Variants in LUZP1 observed in about 807,000 individuals in gnomAD.
LUZP1 encodes the protein leucine zipper protein 1.
A neutral mutation model predicts 71.3 loss-of-function variants in LUZP1; 25 were observed. The observed-to-expected ratio is 0.35, with a 90% CI of 0.26 to 0.49. LUZP1 has a LOEUF of 0.49. Among genes scored for constraint, LUZP1 ranks in the 20% least tolerant of loss-of-function variants. The pLI, the probability that LUZP1 is intolerant of heterozygous loss-of-function variation, is 0.99. For synonymous variants in LUZP1, 481 were observed against 506.4 expected (o/e 0.95, Z 0.67); for missense variants, 1,142 against 1,300.8 (o/e 0.88, Z 1.88).
intron 2 of LUZP1, among the ~76,000 whole-genome samples, chr1:23,110,444 C>T (rs570274480): frequency 1.8e-4 from 28 of 152,258 alleles, no homozygotes; most frequent in Non-Finnish European, 3.5e-4. Flanking sequence ...AAACCTAAAG[C>T]TTTTGTACAT....
chr1:23,150,619 G>A (rs1226530923), intron 2 of LUZP1, among the ~76,000 whole-genome samples: 1 of 152,100 alleles, frequency 6.6e-6, no homozygotes, highest in Non-Finnish European at 1.5e-5. Flanking sequence ...AAATACTGAG[G>A]CAATAAGGCA....
chr1:23,155,300 T>A (rs1644413063), intron 2 of LUZP1, among the ~76,000 whole-genome samples: 1 of 152,204 alleles, frequency 6.6e-6, no homozygotes, highest in African/African-American at 2.4e-5. Context: ...TGGCTTTCTT[T>A]CAATCCTAGG....
At chr1:23,173,627 G>C (rs1644566158) in intron 1 of LUZP1, among the ~76,000 whole-genome samples, 2 of 152,068 alleles carry the variant, frequency 1.3e-5, no homozygotes, top group South Asian at 4.1e-4. Flanking sequence ...AAAGTGCTGG[G>C]ATTACAGGTG....
intron 2 of LUZP1, among the ~76,000 whole-genome samples, chr1:23,121,069 A>T (rs1316604084): frequency 1.3e-5 from 2 of 152,230 alleles, no homozygotes; most frequent in Admixed American, 6.5e-5. Flanking sequence ...AAAAATCCCC[A>T]AGATTACAAA....
chr1:23,117,529 G>GGGCGGGGGA (rs371517574), intron 2 of LUZP1, among the ~76,000 whole-genome samples: 1 of 85,588 alleles, frequency 1.2e-5, no homozygotes. Context: ...CGGGGGGGGG[G>GGGCGGGGGA]AACACCTTGA....
At chr1:23,149,697 G>A (rs1391457058) in intron 2 of LUZP1, among the ~76,000 whole-genome samples, 4 of 152,050 alleles carry the variant, frequency 2.6e-5, no homozygotes, top group East Asian at 3.9e-4. Flanking sequence ...TAAAAGGGCC[G>A]GGCGTGGTGG....
At chr1:23,158,508 A>G (rs1569694153) in intron 2 of LUZP1, among the ~76,000 whole-genome samples, 1 of 152,100 alleles carries the variant, frequency 6.6e-6, no homozygotes, top group African/African-American at 2.4e-5. Context: ...TTAGCCAGGC[A>G]TGGTGGCAGG....
intron 4 of LUZP1, chr1:23,090,602 A>G (rs1397612040): frequency 1.1e-5 from 6 of 530,096 alleles, no homozygotes; most frequent in African/African-American, 9.5e-5. Context: ...CAGACTGATA[A>G]TATGAGACAG....
chr1:23,147,417 G>A (rs1644352241), intron 2 of LUZP1, among the ~76,000 whole-genome samples: 1 of 150,274 alleles, frequency 6.7e-6, no homozygotes. Context: ...CTTCAGCCTG[G>A]GGTGACAGAG....
intron 3 of LUZP1, among the ~76,000 whole-genome samples, chr1:23,104,229 G>T (rs1026569207): frequency 6.6e-6 from 1 of 151,330 alleles, no homozygotes; most frequent in Non-Finnish European, 1.5e-5. Flanking sequence ...GTCCAGGTTG[G>T]AGTGAAGAGG....
At position 23,126,746 on chromosome 1, in the gene LUZP1, C is replaced by T. The variant is rs16828013; in HGVS notation, c.-225-17619G>A. 8.1e-4 allele frequency among the ~76,000 whole-genome samples: 124 copies of T among 152,282 alleles called. 2 individuals carry two copies. In the East Asian group the frequency reaches 0.023, roughly 28 times the overall value. On this transcript the variant is annotated intron_variant, in intron 2 of 4. Transcript: ENST00000302291. ...AGCTGTACCTTTCATCCTGGATGGC[C>T]ATTCTTGCTTTTGATGTTTACAGAA... is the stretch of plus-strand genomic sequence containing the variant.
chr1:23,138,370 A>C (rs970761909), intron 2 of LUZP1, among the ~76,000 whole-genome samples: 3 of 152,224 alleles, frequency 2.0e-5, no homozygotes, highest in African/African-American at 7.2e-5. Context: ...CCTGGAAAAC[A>C]CTATAGCAAA....
chr1:23,092,598 G>C (rs34839810), exon 4 of LUZP1: 2 of 1,614,082 alleles, frequency 1.2e-6, no homozygotes, highest in African/African-American at 2.7e-5. Flanking sequence ...AGAGTTTGCA[G>C]CCTGAGTTAC....
chr1:23,121,097 T>C (rs1453644683), intron 2 of LUZP1, among the ~76,000 whole-genome samples: 1 of 152,186 alleles, frequency 6.6e-6, no homozygotes, highest in African/African-American at 2.4e-5. Context: ...ATTTATAAGC[T>C]GCTGGCTTAT....
chr1:23,092,481 C>G (rs2124593478), exon 4 of LUZP1: 2 of 1,614,198 alleles, frequency 1.2e-6, no homozygotes, highest in African/African-American at 2.7e-5. Context: ...GGAATTCGGG[C>G]AACTGTTATC....
chr1:23,094,013 C>T lies in LUZP1; in HGVS notation c.249G>A (p.Lys83=), dbSNP rs1643879335. Residue 83 remains lysine, a synonymous_variant, in exon 4 of 5, where the codon AAG becomes AAA. Coordinates refer to ENST00000302291, the Ensembl canonical transcript of LUZP1. This position sits in a 1 kb window ranked among gnomAD's most constrained non-coding sequence, Gnocchi z 4.7. ...TCAGACGACACAGATCCTCTGCTCT[C>T]TTAATTTCCTCGTCTTTGCCTTCAA... 1.2e-6 allele frequency: 2 copies of T among 1,614,206 alleles called. No individual in the cohort carries two copies.
chr1:23,148,479 GC>G (rs1644359454), intron 2 of LUZP1, among the ~76,000 whole-genome samples: 1 of 152,236 alleles, frequency 6.6e-6, no homozygotes, highest in South Asian at 2.1e-4. Context: ...CAAATCTCAT[GC>G]TACTTCTTCC....
At chr1:23,148,312 G>C (rs1433457592) in intron 2 of LUZP1, among the ~76,000 whole-genome samples, 2 of 151,624 alleles carry the variant, frequency 1.3e-5, no homozygotes, top group African/African-American at 2.4e-5. Context: ...AATCTCCCAA[G>C]GTTAAAAAAA....
intron 2 of LUZP1, among the ~76,000 whole-genome samples, chr1:23,119,251 C>T (rs946594893): frequency 5.7e-5 from 4 of 70,024 alleles, no homozygotes; most frequent in Admixed American, 2.2e-4. Context: ...GTGACTAGCT[C>T]TTTTTTTTTT....
Sources: allele counts gnomAD v4.1 joint callset (sites outside exome capture counted in the v4.1 genomes callset), GRCh38; gene constraint gnomAD v4.1.1; non-coding constraint Gnocchi (gnomAD v3.1); transcripts MANE v1.5; gene names NCBI Gene and HGNC (gene_info 2026-07-23, HGNC 2026-07-21).